CWF19L2: variants seen among roughly 807,000 people sequenced by gnomAD.
CWF19L2 encodes CWF19-like protein 2.
CWF19L2 carries 98 observed loss-of-function variants against 111.7 expected under a neutral mutation model. The observed-to-expected ratio is 0.88, with a 90% CI of 0.75 to 1.04. CWF19L2 has a LOEUF of 1.04. CWF19L2 is among the 50% of genes least tolerant of loss of function. The pLI, the probability that CWF19L2 is intolerant of heterozygous loss-of-function variation, is 0.00. For missense variants in CWF19L2, 1,101 were observed against 1,051.4 expected, an observed-to-expected ratio of 1.05 and a Z score of -0.65; for synonymous variants, 351 against 342.9, an observed-to-expected ratio of 1.02 and a Z score of -0.26.
At chr11:107,352,287 T>C (rs61905999) in intron 13 of CWF19L2, among the ~76,000 whole-genome samples, 122,364 of 152,000 alleles carry the variant, frequency 0.81, 49,934 homozygotes, top group African/African-American at 0.94. Context: ...TCCCACGAAA[T>C]GCAAGAGCAT....
intron 8 of CWF19L2, among the ~76,000 whole-genome samples, chr11:107,427,173 C>T (rs191544409): frequency 6.6e-6 from 1 of 152,104 alleles, no homozygotes; most frequent in East Asian, 1.9e-4. Flanking sequence ...AGGCATTCTT[C>T]AAGGTCCTGT....
chr11:107,425,203 C>T (rs1414608821), intron 8 of CWF19L2, among the ~76,000 whole-genome samples: 1 of 149,338 alleles, frequency 6.7e-6, no homozygotes, highest in Non-Finnish European at 1.5e-5. Flanking sequence ...CACACACACA[C>T]ACACACACAC....
chr11:107,352,486 A>T, intron 13 of CWF19L2, among the ~76,000 whole-genome samples: 1 of 152,166 alleles, frequency 6.6e-6, no homozygotes, highest in East Asian at 1.9e-4. Context: ...TCTTTTTCTA[A>T]ATCAAATTAA....
At chr11:107,337,797 A>G (rs1424939145) in intron 14 of CWF19L2, among the ~76,000 whole-genome samples, 3 of 152,132 alleles carry the variant, frequency 2.0e-5, no homozygotes, top group Non-Finnish European at 2.9e-5. Flanking sequence ...GATAAAATGT[A>G]TTTTATTTAG....
chr11:107,452,668 A>G (rs967468312), intron 3 of CWF19L2, among the ~76,000 whole-genome samples: 5 of 152,194 alleles, frequency 3.3e-5, no homozygotes, highest in Non-Finnish European at 5.9e-5. Context: ...TAAATAAGCA[A>G]AAAAGCCAAA....
chr11:107,437,063 A>G (rs1861550914), intron 6 of CWF19L2, among the ~76,000 whole-genome samples: 1 of 152,198 alleles, frequency 6.6e-6, no homozygotes. Flanking sequence ...CAAGATTAAC[A>G]CAGTAATTAT....
intron 14 of CWF19L2, among the ~76,000 whole-genome samples, chr11:107,338,740 G>A (rs1750730322): frequency 6.6e-6 from 1 of 152,132 alleles, no homozygotes; most frequent in African/African-American, 2.4e-5. Context: ...CCCTGCAAAG[G>A]ACATGATCTC....
chr11:107,456,475 T>C (rs975797706), intron 1 of CWF19L2, among the ~76,000 whole-genome samples: 2 of 151,856 alleles, frequency 1.3e-5, no homozygotes, highest in Non-Finnish European at 2.9e-5. Flanking sequence ...CACACACACA[T>C]TACATATGTT....
intron 12 of CWF19L2, among the ~76,000 whole-genome samples, chr11:107,361,588 T>G (rs1274512265): frequency 1.3e-5 from 2 of 152,226 alleles, no homozygotes; most frequent in Non-Finnish European, 2.9e-5. Flanking sequence ...TTAATGATAT[T>G]AAGTCTTCTG....
At chr11:107,410,382 T>C (rs1861140065) in intron 10 of CWF19L2, among the ~76,000 whole-genome samples, 1 of 152,184 alleles carries the variant, frequency 6.6e-6, no homozygotes, top group African/African-American at 2.4e-5. Context: ...TGGCAAAGAT[T>C]TGTTTTATAC....
At chr11:107,338,610 C>G (rs1009600698) in intron 14 of CWF19L2, among the ~76,000 whole-genome samples, 22 of 152,112 alleles carry the variant, frequency 1.4e-4, no homozygotes, top group African/African-American at 5.3e-4. Context: ...TGTTCCCCAC[C>G]ACCATGTGTC....
At chr11:107,341,342 A>T (rs1320881900) in intron 14 of CWF19L2, among the ~76,000 whole-genome samples, 1 of 152,194 alleles carries the variant, frequency 6.6e-6, no homozygotes, top group East Asian at 1.9e-4. Context: ...TAGGAATTTC[A>T]TCAAATGCTT....
At chr11:107,362,080 C>G (rs192720002) in intron 12 of CWF19L2, among the ~76,000 whole-genome samples, 52 of 152,220 alleles carry the variant, frequency 3.4e-4, no homozygotes, top group Admixed American at 1.6e-3. Flanking sequence ...CCTGGAAAAT[C>G]GAGTCACTCC....
intron 12 of CWF19L2, among the ~76,000 whole-genome samples, chr11:107,380,721 G>C (rs1860672838): frequency 6.6e-6 from 1 of 152,134 alleles, no homozygotes; most frequent in Non-Finnish European, 1.5e-5. Context: ...TCCATGTCTA[G>C]ATATTAATAT....
At chr11:107,342,523 C>T (rs1860019857) in intron 14 of CWF19L2, among the ~76,000 whole-genome samples, 1 of 152,014 alleles carries the variant, frequency 6.6e-6, no homozygotes, top group African/African-American at 2.4e-5. Context: ...AGAGAATGCA[C>T]TCTGTATGAT....
intron 10 of CWF19L2, among the ~76,000 whole-genome samples, chr11:107,409,162 T>G (rs567675150): frequency 6.6e-6 from 1 of 151,106 alleles, no homozygotes; most frequent in Non-Finnish European, 1.5e-5. Flanking sequence ...ACAAGTGAAC[T>G]TGTGAACACA....
In CWF19L2 at chr11:107,336,565, T is replaced by A. The variant is rs371421913; in HGVS notation, c.2351A>T (p.Tyr784Phe). 6.3e-7 allele frequency: 1 copy of A among 1,599,958 alleles called. No homozygotes were observed. Among genetic ancestry groups the A allele is most frequent in the East Asian group, 2.2e-5 (1 of 44,546 alleles). Residue 784 changes from tyrosine to phenylalanine, a missense_variant, in exon 15 of 18, where the codon TAT becomes TTT. Transcript: ENST00000282251. Reference sequence around the variant, plus strand: ...AAGACTACTTATAAACACCTTAAAATAGATGGGAGCCATGTCACCCACTTC... The same window carrying A: ...AAGACTACTTATAAACACCTTAAAAAAGATGGGAGCCATGTCACCCACTTC... ...PKEVGDMAPI[Y>F]FKKAIMESDE...
rs757361621 is a variant in CWF19L2 at position 107,394,757 on chromosome 11, C to T, written c.1618-1862G>A. Among the ~76,000 whole-genome samples, 10 of 152,226 alleles carry T rather than the reference C, an allele frequency of 6.6e-5. No homozygotes were observed. The Middle Eastern group carries it at 0.01, about 155-fold the overall frequency. ...TCACTTTCTCCTTCATTTCCAGCTA[C>T]CCCTCAAATGCTGATGATTCCAGGG... On this transcript the variant is annotated intron_variant, in intron 10 of 17. Transcript: ENST00000282251.
intron 8 of CWF19L2, among the ~76,000 whole-genome samples, chr11:107,424,181 CTCTT>C (rs1565278199): frequency 7.3e-6 from 1 of 137,624 alleles, no homozygotes; most frequent in African/African-American, 2.7e-5. Context: ...CCACATTTCC[CTCTT>C]TTTTTTTTTT....
Sources: gnomAD v4.1 joint callset for allele counts (sites outside exome capture counted in the v4.1 genomes callset) on GRCh38, gnomAD v4.1.1 for gene constraint, MANE v1.5 for transcripts, NCBI Gene and HGNC (gene_info 2026-07-23, HGNC 2026-07-21) for gene names.